CYB5A: variants seen among roughly 807,000 people sequenced by gnomAD.
The protein encoded by CYB5A is cytochrome b5.
In CYB5A, 10 loss-of-function variants were observed where a neutral mutation model predicts 16.2. The ratio of observed to expected loss-of-function variants is 0.62; its 90% CI spans 0.38 to 1.04. The LOEUF (loss-of-function observed/expected upper bound fraction) is 1.04, where lower values mean the gene tolerates loss of function less well. Among genes scored for constraint, CYB5A ranks in the 50% least tolerant of loss-of-function variants. The pLI is 0.01. For missense variants in CYB5A, 161 were observed against 165.9 expected, an observed-to-expected ratio of 0.97 and a Z score of 0.16; for synonymous variants, 62 against 57.0, an observed-to-expected ratio of 1.09 and a Z score of -0.40.
At chr18:74,269,475 G>A (rs1472845073) in intron 1 of CYB5A, among the ~76,000 whole-genome samples, 4 of 120,088 alleles carry the variant, frequency 3.3e-5, no homozygotes, top group African/African-American at 1.1e-4. Context: ...GTCAGCCAAG[G>A]AAAGCAGTGG....
chr18:74,263,489 A>C lies in CYB5A; in HGVS notation c.130-12T>G. The C allele has an allele frequency of 6.2e-7, 1 of 1,614,056 alleles. No individual in the cohort carries two copies. The highest frequency in any genetic ancestry group is 2.2e-5 in the East Asian group (1 of 44,874). On this transcript the variant is annotated splice_polypyrimidine_tract_variant and intron_variant, in intron 1 of 4. Coordinates refer to ENST00000340533, the MANE Select transcript of CYB5A (RefSeq NM_148923.4). ...TCCCCACCAGGATGCTGTTCAAAGGAGAGGTAGAATAAAAATTTTTTTTTC... is the reference window on the plus strand; with the variant it reads ...TCCCCACCAGGATGCTGTTCAAAGGCGAGGTAGAATAAAAATTTTTTTTTC...
intron 1 of CYB5A, among the ~76,000 whole-genome samples, chr18:74,273,288 G>A (rs961484241): frequency 4.3e-4 from 66 of 152,182 alleles, no homozygotes; most frequent in African/African-American, 1.5e-3. Flanking sequence ...CCCAATAAAC[G>A]GCACTTCCTG....
At chr18:74,256,771 G>GT in intron 3 of CYB5A, 1 of 1,529,214 alleles carries the variant, frequency 6.5e-7, no homozygotes, top group Non-Finnish European at 9.1e-7. Context: ...AGAAACTCCC[G>GT]TGAAAAGACA....
chr18:74,256,573 GGC>G (rs1981991099), intron 3 of CYB5A: 3 of 508,692 alleles, frequency 5.9e-6, no homozygotes, highest in Non-Finnish European at 1.0e-5. Context: ...AACTTTTTGG[GGC>G]TTGAAAATGG....
chr18:74,258,580 G>A (rs1405773056), intron 3 of CYB5A: 4 of 152,068 alleles, frequency 2.6e-5, no homozygotes, highest in African/African-American at 4.8e-5. Flanking sequence ...CCTGGAGATC[G>A]GCCGATGGTT....
chr18:74,278,282 C>T (rs540124517), intron 1 of CYB5A, among the ~76,000 whole-genome samples: 2 of 152,340 alleles, frequency 1.3e-5, no homozygotes, highest in African/African-American at 4.8e-5. Context: ...TAACAGGGGT[C>T]TAAGTCCAGA....
At chr18:74,284,004 G>A (rs532757501) in intron 1 of CYB5A, among the ~76,000 whole-genome samples, 53 of 152,094 alleles carry the variant, frequency 3.5e-4, no homozygotes, top group Non-Finnish European at 5.3e-4. Flanking sequence ...AGGCCGAGGC[G>A]AGTGGATCAC....
chr18:74,253,953 C>T (rs559743073), intron 4 of CYB5A, among the ~76,000 whole-genome samples: 4 of 152,264 alleles, frequency 2.6e-5, no homozygotes, highest in South Asian at 2.1e-4. Context: ...CCAAGGCAGA[C>T]GGATCACTTG....
chr18:74,266,762 A>T (rs1401077843), intron 1 of CYB5A, among the ~76,000 whole-genome samples: 1 of 145,366 alleles, frequency 6.9e-6, no homozygotes, highest in Non-Finnish European at 1.5e-5. Context: ...AAAAAAAAAA[A>T]GAGAGAGAGA....
chr18:74,260,903 G>GGTC lies in CYB5A; in HGVS notation c.288+9_288+11dup. On this transcript the variant is annotated intron_variant, in intron 3 of 4. Coordinates refer to ENST00000340533, the MANE Select transcript of CYB5A (RefSeq NM_148923.4). ...GAGAACATCCAGAGATACTTGAGAT[G>GGTC]GTCACACTTACCGGAGGCTTGTTTA... 2 of 1,608,886 alleles carry GGTC rather than the reference G, an allele frequency of 1.2e-6. No individual in the cohort carries two copies. Among genetic ancestry groups the GGTC allele is most frequent in the Non-Finnish European group, 1.7e-6 (2 of 1,175,330 alleles).
At position 74,263,401 on chromosome 18, in the gene CYB5A, G is replaced by A. The variant is rs780637990; in HGVS notation, c.206C>T (p.Ser69Phe). The change falls in exon 2 of 5, where the codon TCT becomes TTT. Residue 69 changes from serine to phenylalanine, a missense_variant. By Grantham distance (155) the Ser-to-Phe change is radical. Transcript: ENST00000340533. Reference sequence around the variant, plus strand: ...TTTGGACATTTCCCTGGCATCTGTAGAGTGCCCGACATCCTCAAAGTTCTC... The same window carrying A: ...TTTGGACATTTCCCTGGCATCTGTAAAGTGCCCGACATCCTCAAAGTTCTC... ...ATENFEDVGH[S>F]TDAREMSKTF... 73 of 1,613,996 alleles carry A rather than the reference G, an allele frequency of 4.5e-5. No individual in the cohort carries two copies. The highest frequency in any genetic ancestry group is 6.2e-5 in the Non-Finnish European group (73 of 1,180,002).
At chr18:74,262,879 G>T (rs1599250066) in intron 2 of CYB5A, among the ~76,000 whole-genome samples, 1 of 152,306 alleles carries the variant, frequency 6.6e-6, no homozygotes, top group Non-Finnish European at 1.5e-5. Flanking sequence ...GCCAGGTGTG[G>T]GGGCTCACGC....
intron 3 of CYB5A, chr18:74,258,580 G>C (rs1405773056): frequency 6.6e-6 from 1 of 152,068 alleles, no homozygotes. Flanking sequence ...CCTGGAGATC[G>C]GCCGATGGTT....
chr18:74,276,786 C>T (rs1982898550), intron 1 of CYB5A, among the ~76,000 whole-genome samples: 1 of 152,170 alleles, frequency 6.6e-6, no homozygotes, highest in Non-Finnish European at 1.5e-5. Flanking sequence ...AGGAGAGCCA[C>T]TTTAACAGGC....
At chr18:74,270,114 G>A (rs1982614453) in intron 1 of CYB5A, among the ~76,000 whole-genome samples, 2 of 151,834 alleles carry the variant, frequency 1.3e-5, no homozygotes, top group South Asian at 2.1e-4. Flanking sequence ...CCCTCAAGCT[G>A]GCCACACTCG....
intron 1 of CYB5A, among the ~76,000 whole-genome samples, chr18:74,285,543 C>T (rs1983285119): frequency 6.6e-6 from 1 of 152,166 alleles, no homozygotes; most frequent in South Asian, 2.1e-4. Flanking sequence ...GAAATGCACA[C>T]ACTGGTGTGC....
intron 1 of CYB5A, chr18:74,290,873 C>G (rs911815073): frequency 6.6e-6 from 1 of 151,516 alleles, no homozygotes; most frequent in Non-Finnish European, 1.5e-5. Context: ...AGTTAACCAA[C>G]GTTTCCTATT....
At chr18:74,271,117 T>C (rs1982651545) in intron 1 of CYB5A, among the ~76,000 whole-genome samples, 1 of 152,250 alleles carries the variant, frequency 6.6e-6, no homozygotes, top group Non-Finnish European at 1.5e-5. Context: ...CATGATTTTG[T>C]ACTTAACTGC....
At chr18:74,256,789 T>A in intron 3 of CYB5A, 1 of 1,602,068 alleles carries the variant, frequency 6.2e-7, no homozygotes, top group South Asian at 1.1e-5. Flanking sequence ...ACAGACCCCT[T>A]TCAGGGAAAA....
Sources: gnomAD v4.1 joint callset for allele counts (sites outside exome capture counted in the v4.1 genomes callset) on GRCh38, gnomAD v4.1.1 for gene constraint, MANE v1.5 for transcripts, NCBI Gene and HGNC (gene_info 2026-07-23, HGNC 2026-07-21) for gene names.